VPS53: variants seen among roughly 807,000 people sequenced by gnomAD.
VPS53 encodes the protein vacuolar protein sorting-associated protein 53 homolog.
Under a neutral mutation model 107.0 loss-of-function variants are expected in VPS53, and 70 were observed. The observed-to-expected ratio is 0.65, with a 90% confidence interval of 0.54 to 0.80. The LOEUF (loss-of-function observed/expected upper bound fraction) is 0.80. VPS53 is among the 30% of genes least tolerant of loss of function. The probability of loss-of-function intolerance (pLI) is 0.00; values close to 1 mark genes in which losing one functional copy is unlikely to be tolerated. For missense variants in VPS53, 917 were observed against 1,049.4 expected (o/e 0.87, Z 1.74); for synonymous variants, 409 against 393.3 (o/e 1.04, Z -0.47).
chr17:609,723 A>G (rs980488078), intron 11 of VPS53, among the ~76,000 whole-genome samples: 4 of 152,240 alleles, frequency 2.6e-5, no homozygotes, highest in Non-Finnish European at 4.4e-5. Context: ...ACTTGAGCCG[A>G]TAATTCCACT....
intron 7 of VPS53, among the ~76,000 whole-genome samples, chr17:648,805 A>C: frequency 7.3e-6 from 1 of 136,550 alleles, no homozygotes; most frequent in Admixed American, 7.2e-5. Flanking sequence ...GGAATGGAAC[A>C]GGTAATGAAG....
At chr17:576,752 C>T (rs574833159) in intron 13 of VPS53, among the ~76,000 whole-genome samples, 3 of 142,192 alleles carry the variant, frequency 2.1e-5, no homozygotes, top group African/African-American at 5.3e-5. Flanking sequence ...GAACCCAATA[C>T]GTGCCCAGAG....
intron 2 of VPS53, among the ~76,000 whole-genome samples, chr17:701,710 G>C (rs780449092): frequency 1.3e-5 from 2 of 151,762 alleles, no homozygotes; most frequent in Non-Finnish European, 2.9e-5. Context: ...TTTTATGATA[G>C]CAAGTATTTT....
intron 12 of VPS53, among the ~76,000 whole-genome samples, chr17:598,482 C>T (rs1469524388): frequency 2.0e-5 from 3 of 151,724 alleles, no homozygotes; most frequent in African/African-American, 7.3e-5. Flanking sequence ...TGAGGAGCGT[C>T]TCCGCCCGGC....
chr17:702,855 A>C (rs1472712555), intron 2 of VPS53, among the ~76,000 whole-genome samples: 1 of 152,080 alleles, frequency 6.6e-6, no homozygotes, highest in Non-Finnish European at 1.5e-5. Context: ...TATTTCCCTT[A>C]ATCCCCTCTG....
At position 537,175 on chromosome 17, in the gene VPS53, A is replaced by G. The variant is rs1243648209; in HGVS notation, c.1868T>C (p.Met623Thr). The G allele has an allele frequency of 6.2e-7, 1 of 1,613,908 alleles. No individual in the cohort carries two copies. Among genetic ancestry groups the G allele is most frequent in the Non-Finnish European group, 8.5e-7 (1 of 1,179,980 alleles). ...CDPALTAMSK[M>T]QWQNVEHVGD... ...AACGTGCTCCACGTTCTGCCACTGC[A>G]TCTGAAAGGGAGAAAGGATGAGGCG... Residue 623 changes from methionine to threonine, a missense_variant and splice_region_variant, in exon 18 of 22, where the codon ATG becomes ACG. Physicochemically the swap from Met to Thr is moderately conservative, Grantham distance 81 (BLOSUM62 -1). Coordinates refer to ENST00000437048, the MANE Select transcript of VPS53 (RefSeq NM_001128159.3).
intron 7 of VPS53, among the ~76,000 whole-genome samples, chr17:643,141 A>G (rs1970510125): frequency 2.6e-5 from 3 of 114,062 alleles, no homozygotes; most frequent in East Asian, 2.3e-4. Context: ...CGAGGACAAC[A>G]CTCATACTTG....
intron 11 of VPS53, among the ~76,000 whole-genome samples, chr17:622,779 C>A (rs1397847863): frequency 6.6e-6 from 1 of 151,902 alleles, no homozygotes; most frequent in Non-Finnish European, 1.5e-5. Context: ...TAGCTCACTG[C>A]AGCCTCAACT....
Position 604,069 on chromosome 17 carries a change from T to G in VPS53, c.1117-2173A>C, listed in dbSNP as rs996095137. Among the ~76,000 whole-genome samples the G allele has an allele frequency of 2.0e-5, 3 of 152,358 alleles. No homozygotes were observed. The East Asian group carries it at 5.8e-4, about 29-fold the overall frequency. On this transcript the variant is annotated intron_variant, in intron 11 of 21. Transcript: ENST00000437048. Reference sequence around the variant, plus strand: ...ATCATTCAGTGACAGACACAGAATTTGAGTTTTTGAACTAAATGCCCCTCA... The same window carrying G: ...ATCATTCAGTGACAGACACAGAATTGGAGTTTTTGAACTAAATGCCCCTCA...
chr17:620,792 G>A (rs1051182253), intron 11 of VPS53, among the ~76,000 whole-genome samples: 20 of 151,106 alleles, frequency 1.3e-4, no homozygotes, highest in African/African-American at 4.1e-4. Flanking sequence ...ATTTTTAGTC[G>A]TGATGGGGTT....
At position 524,968 on chromosome 17, in the gene VPS53, C is replaced by T. The variant is rs1229071404; in HGVS notation, c.2086-3230G>A. On this transcript the variant is annotated intron_variant, in intron 19 of 21. Coordinates refer to ENST00000437048, the MANE Select transcript of VPS53 (RefSeq NM_001128159.3). This position sits in a 1 kb window ranked among gnomAD's most constrained non-coding sequence, Gnocchi z 4.5. Reference sequence around the variant, plus strand: ...TATATCCATTAGAGGAATTCTTGCCCATGTAAAAACGTTCCCTGCATCCGC... The same window carrying T: ...TATATCCATTAGAGGAATTCTTGCCTATGTAAAAACGTTCCCTGCATCCGC... Among the ~76,000 whole-genome samples the T allele has an allele frequency of 2.0e-5, 3 of 150,814 alleles. No homozygotes were observed. The highest frequency in any genetic ancestry group is 7.3e-5 in the African/African-American group (3 of 41,312).
chr17:530,222 CCTCCCAGGTTCAAGCAGTT>C (rs1309039342), intron 19 of VPS53, among the ~76,000 whole-genome samples: 5 of 148,970 alleles, frequency 3.4e-5, no homozygotes, highest in Non-Finnish European at 5.9e-5. Flanking sequence ...CTCACTGCAA[CCTCCCAGGTTCAAGCAGTT>C]CTCCCAGGTT....
chr17:522,033 C>G (rs773690034), intron 19 of VPS53, among the ~76,000 whole-genome samples: 8 of 152,132 alleles, frequency 5.3e-5, no homozygotes, highest in Admixed American at 5.2e-4. Context: ...GCAGCAGGAT[C>G]GCTTGAGCTC....
At chr17:637,352 T>C (rs1394663575) in intron 7 of VPS53, among the ~76,000 whole-genome samples, 1 of 152,204 alleles carries the variant, frequency 6.6e-6, no homozygotes, top group Non-Finnish European at 1.5e-5. Flanking sequence ...ATTTTGTTGA[T>C]CCTTTCAAAA....
chr17:588,152 C>T (rs1240083291), intron 12 of VPS53, among the ~76,000 whole-genome samples: 2 of 152,114 alleles, frequency 1.3e-5, no homozygotes, highest in Admixed American at 6.6e-5. Flanking sequence ...CCTGTCTCTA[C>T]TAAAAAAATA....
chr17:692,740 C>A (rs1459149228), intron 4 of VPS53, among the ~76,000 whole-genome samples: 1 of 152,254 alleles, frequency 6.6e-6, no homozygotes, highest in East Asian at 1.9e-4. Flanking sequence ...CGGTGGCTCA[C>A]GCCTGTCATC....
At chr17:583,457 C>T (rs1007783481) in intron 13 of VPS53, among the ~76,000 whole-genome samples, 6 of 151,938 alleles carry the variant, frequency 3.9e-5, no homozygotes, top group Admixed American at 3.9e-4. Flanking sequence ...CAATGCGTTC[C>T]CAGAGAACCT....
chr17:698,610 G>C (rs906129371), intron 3 of VPS53, among the ~76,000 whole-genome samples: 1 of 151,880 alleles, frequency 6.6e-6, no homozygotes, highest in South Asian at 2.1e-4. Flanking sequence ...GGCTGAGGTG[G>C]GAGGATCACT....
intron 12 of VPS53, among the ~76,000 whole-genome samples, chr17:593,360 G>A (rs1967775632): frequency 6.6e-6 from 1 of 152,166 alleles, no homozygotes; most frequent in African/African-American, 2.4e-5. Context: ...ACTACCATCA[G>A]AGTGAACAGG....
Sources: gnomAD v4.1 joint callset for allele counts (sites outside exome capture counted in the v4.1 genomes callset) on GRCh38, gnomAD v4.1.1 for gene constraint, Gnocchi (gnomAD v3.1) non-coding constraint, MANE v1.5 for transcripts, NCBI Gene and HGNC (gene_info 2026-07-23, HGNC 2026-07-21) for gene names.